STXBP5L: variants seen among roughly 807,000 people sequenced by gnomAD.
STXBP5L encodes syntaxin binding protein 5L.
STXBP5L carries 65 observed loss-of-function variants against 144.5 expected under a neutral mutation model. That is an observed-to-expected ratio of 0.45 (90% confidence interval 0.37 to 0.55). The LOEUF (loss-of-function observed/expected upper bound fraction) is 0.55. Ranked by LOEUF, STXBP5L falls within the 20% of genes least tolerant of loss-of-function variation. The pLI, the probability that STXBP5L is intolerant of heterozygous loss-of-function variation, is 0.00. For missense variants in STXBP5L, 1,298 were observed against 1,405.5 expected, an observed-to-expected ratio of 0.92 and a Z score of 1.22; for synonymous variants, 505 against 469.6, an observed-to-expected ratio of 1.08 and a Z score of -0.97.
At chr3:121,047,630 C>A (rs1199051290) in intron 5 of STXBP5L, among the ~76,000 whole-genome samples, 2 of 152,014 alleles carry the variant, frequency 1.3e-5, no homozygotes, top group African/African-American at 2.4e-5. Context: ...CTTTTTTGAT[C>A]TTTGTTAGCT....
intron 5 of STXBP5L, among the ~76,000 whole-genome samples, chr3:121,086,447 A>G (rs780284085): frequency 2.0e-5 from 3 of 151,146 alleles, no homozygotes; most frequent in Non-Finnish European, 4.4e-5. Flanking sequence ...AGCACAATGC[A>G]TTGCCCTTTT....
chr3:121,053,314 A>T (rs1459504873), intron 5 of STXBP5L, among the ~76,000 whole-genome samples: 1 of 152,222 alleles, frequency 6.6e-6, no homozygotes, highest in Non-Finnish European at 1.5e-5. Flanking sequence ...ACAAAGTCGG[A>T]GGCATCACAC....
At chr3:121,348,271 A>G (rs7647669) in intron 20 of STXBP5L, among the ~76,000 whole-genome samples, 116,524 of 152,028 alleles carry the variant, frequency 0.77, 44,825 homozygotes, top group East Asian at 0.93. Context: ...ATTGACTTGC[A>G]TATGTTGAAC....
chr3:121,212,381 A>T (rs1287445337), intron 10 of STXBP5L, among the ~76,000 whole-genome samples: 1 of 152,074 alleles, frequency 6.6e-6, no homozygotes, highest in Non-Finnish European at 1.5e-5. Flanking sequence ...ATCTTGTGCT[A>T]ATTTTTATAT....
At chr3:121,066,403 AT>A (rs1445339894) in intron 5 of STXBP5L, among the ~76,000 whole-genome samples, 2 of 150,706 alleles carry the variant, frequency 1.3e-5, no homozygotes, top group African/African-American at 2.4e-5. Context: ...ATATATATAT[AT>A]TTTAAATCAT....
At chr3:121,019,916 C>G (rs1328130767) in intron 3 of STXBP5L, among the ~76,000 whole-genome samples, 1 of 152,038 alleles carries the variant, frequency 6.6e-6, no homozygotes, top group Non-Finnish European at 1.5e-5. Flanking sequence ...GGATCCAAAC[C>G]AAAACAAAAC....
chr3:121,257,415 C>G (rs1201367964), intron 17 of STXBP5L, 82 bp downstream of exon 17: 1 of 1,301,534 alleles, frequency 7.7e-7, no homozygotes, highest in Non-Finnish European at 1.1e-6. Context: ...AATTAATTTT[C>G]TCTTATTATC....
chr3:121,045,676 T>C, intron 5 of STXBP5L, 141 bp downstream of exon 5: 1 of 767,222 alleles, frequency 1.3e-6, no homozygotes, highest in Non-Finnish European at 2.0e-6. Context: ...TTTCATAGTG[T>C]TTTCTTTTTT....
chr3:121,092,715 A>C (rs570856272), intron 5 of STXBP5L, among the ~76,000 whole-genome samples: 3 of 152,224 alleles, frequency 2.0e-5, no homozygotes, highest in Non-Finnish European at 2.9e-5. Context: ...TGTCATCTGC[A>C]AACAGGGACA....
intron 5 of STXBP5L, among the ~76,000 whole-genome samples, chr3:121,090,273 G>C (rs1435294798): frequency 1.3e-5 from 2 of 152,062 alleles, no homozygotes; most frequent in Admixed American, 1.3e-4. Flanking sequence ...TTGAAGTTCA[G>C]GTGCTCCATT....
At chr3:121,036,188 C>G (rs974913684) in intron 3 of STXBP5L, among the ~76,000 whole-genome samples, 4 of 152,006 alleles carry the variant, frequency 2.6e-5, no homozygotes, top group African/African-American at 9.7e-5. Flanking sequence ...CAAAGATTAG[C>G]TGGGCACGGT....
At chr3:120,913,068 C>CT (rs1291897882) in intron 2 of STXBP5L, among the ~76,000 whole-genome samples, 6 of 151,876 alleles carry the variant, frequency 4.0e-5, no homozygotes, top group South Asian at 2.1e-4. Flanking sequence ...CACCAGGGTT[C>CT]TTTTTTTTCT....
chr3:121,264,793 T>G (rs1266218077), intron 18 of STXBP5L, among the ~76,000 whole-genome samples: 1 of 103,306 alleles, frequency 9.7e-6, no homozygotes, highest in Non-Finnish European at 2.0e-5. Context: ...TTTACCAAGC[T>G]AATGGAAAGC....
At chr3:121,321,048 T>G (rs2108536564) in intron 20 of STXBP5L, among the ~76,000 whole-genome samples, 1 of 152,278 alleles carries the variant, frequency 6.6e-6, no homozygotes, top group Middle Eastern at 3.4e-3. Context: ...GTGCATGCAA[T>G]TAAGTAGATT....
intron 9 of STXBP5L, among the ~76,000 whole-genome samples, chr3:121,159,762 TG>T (rs1559807985): frequency 6.6e-6 from 1 of 151,686 alleles, no homozygotes; most frequent in Non-Finnish European, 1.5e-5. Context: ...CCCGAGTAGC[TG>T]GGACTACAGG....
intron 20 of STXBP5L, among the ~76,000 whole-genome samples, chr3:121,352,173 T>G (rs1210371152): frequency 6.6e-6 from 1 of 152,120 alleles, no homozygotes; most frequent in Non-Finnish European, 1.5e-5. Context: ...GCAGGATCTT[T>G]TTTCGTTCCG....
intron 22 of STXBP5L, among the ~76,000 whole-genome samples, chr3:121,384,871 C>G (rs2108688361): frequency 6.6e-6 from 1 of 152,108 alleles, no homozygotes; most frequent in South Asian, 2.1e-4. Context: ...AGGAATTTTA[C>G]TCTCCACTAG....
chr3:121,378,324 C>T (rs1278931651), intron 20 of STXBP5L, among the ~76,000 whole-genome samples: 6 of 152,128 alleles, frequency 3.9e-5, no homozygotes, highest in Admixed American at 3.9e-4. Context: ...TATCCCAGAA[C>T]TTAAAGTAAA....
At chr3:121,367,422 A>AT (rs1240455823) in intron 20 of STXBP5L, among the ~76,000 whole-genome samples, 1 of 151,306 alleles carries the variant, frequency 6.6e-6, no homozygotes, top group Non-Finnish European at 1.5e-5. Flanking sequence ...CTTGGTTGAA[A>AT]TTTTTTTTCC....
Sources: gnomAD v4.1 joint callset for allele counts (sites outside exome capture counted in the v4.1 genomes callset) on GRCh38, gnomAD v4.1.1 for gene constraint, MANE v1.5 for transcripts, NCBI Gene and HGNC (gene_info 2026-07-23, HGNC 2026-07-21) for gene names.